RIMBP2: variants seen among roughly 807,000 people sequenced by gnomAD.
RIMBP2 encodes RIMS-binding protein 2.
A neutral mutation model predicts 118.6 loss-of-function variants in RIMBP2; 48 were observed. That is an observed-to-expected ratio of 0.40 (90% CI 0.32 to 0.51). RIMBP2 has a LOEUF of 0.51. Ranked by LOEUF, RIMBP2 falls within the 20% of genes least tolerant of loss-of-function variation. The pLI is 0.41. For synonymous variants in RIMBP2, 762 were observed against 742.9 expected (o/e 1.03, Z -0.42); for missense variants, 1,551 against 1,768.3 (o/e 0.88, Z 2.20).
At position 130,431,675 on chromosome 12, in the gene RIMBP2, A is replaced by G. The variant is rs2077163274; in HGVS notation, c.2253+3059T>C. On this transcript the variant is annotated intron_variant, in intron 14 of 22. Coordinates refer to ENST00000690449, the MANE Select transcript of RIMBP2 (RefSeq NM_001393629.1). The surrounding 1 kb of genome is among the most constrained non-coding windows in gnomAD (Gnocchi z 4.0). ...ACGCTTTTTAAATTTTAATAGAAAC[A>G]GACCTGTTTGCTCTGTTAAAAAACA... The G allele has an allele frequency of 6.4e-6, 1 of 155,668 alleles. No individual in the cohort carries two copies. The highest frequency in any genetic ancestry group is 1.4e-5 in the Non-Finnish European group (1 of 70,848). 9.6% of individuals were successfully genotyped at this position (155,668 alleles called of 1,614,324 possible).
chr12:130,615,424 T>A (rs1393128079), intron 2 of RIMBP2, among the ~76,000 whole-genome samples: 1 of 151,520 alleles, frequency 6.6e-6, no homozygotes, highest in Non-Finnish European at 1.5e-5. Context: ...AATTCTCCCA[T>A]CTCAGCCTCC....
chr12:130,584,435 TCAC>T (rs2058721651), intron 2 of RIMBP2, among the ~76,000 whole-genome samples: 1 of 128,458 alleles, frequency 7.8e-6, no homozygotes, highest in Non-Finnish European at 1.6e-5. Context: ...CATCACCTCA[TCAC>T]CACCATCACC....
At chr12:130,451,784 C>G (rs2079032872) in intron 7 of RIMBP2, among the ~76,000 whole-genome samples, 1 of 152,046 alleles carries the variant, frequency 6.6e-6, no homozygotes, top group Admixed American at 6.5e-5. Context: ...GCTTGGAGCC[C>G]CTGGTTCAAG....
At chr12:130,585,581 C>T (rs1307690059) in intron 2 of RIMBP2, among the ~76,000 whole-genome samples, 2 of 148,200 alleles carry the variant, frequency 1.3e-5, no homozygotes, top group African/African-American at 5.0e-5. Flanking sequence ...TGTGCCACTG[C>T]ACTCCAGCCT....
At chr12:130,648,686 C>T (rs544866625) in intron 1 of RIMBP2, among the ~76,000 whole-genome samples, 2,788 of 133,618 alleles carry the variant, frequency 0.021, 391 homozygotes, top group Non-Finnish European at 0.031. Context: ...GACGGAGTTT[C>T]GCTCTTGTTG....
chr12:130,480,209 A>G (rs2081850895), intron 4 of RIMBP2, among the ~76,000 whole-genome samples: 1 of 36,332 alleles, frequency 2.8e-5, no homozygotes, highest in African/African-American at 4.8e-5. Context: ...ACACACACAC[A>G]CACACACACA....
rs540207593 is a variant in RIMBP2, at chr12:130,434,054, C to T, written c.2253+680G>A. 4.6e-4 allele frequency among the ~76,000 whole-genome samples: 70 copies of T among 152,264 alleles called. No homozygotes were observed. The highest frequency in any genetic ancestry group is 1.6e-3 in the African/African-American group (68 of 41,560). On this transcript the variant is annotated intron_variant, in intron 14 of 22. Transcript: ENST00000690449. This position sits in a 1 kb window ranked among gnomAD's most constrained non-coding sequence, Gnocchi z 5.7. ...CCTGAGAGATGCCAGTCCCCCTCTC[C>T]GGGTATGGGGCTGTTTTGCTGTGGG...
chr12:130,473,854 A>G (rs1049454919), intron 5 of RIMBP2, among the ~76,000 whole-genome samples: 2 of 152,234 alleles, frequency 1.3e-5, no homozygotes, highest in South Asian at 2.1e-4. Flanking sequence ...AAATTCAGTC[A>G]AAGCATTAAC....
Position 130,424,746 on chromosome 12 carries a change from C to G in RIMBP2, c.2525G>C (p.Gly842Ala). Residue 842 changes from glycine to alanine, a missense_variant, in exon 16 of 23, where the codon GGA (glycine) becomes GCA (alanine). Around this residue, in one of 5 missense-constraint regions of RIMBP2, gnomAD observed 1,038 missense variants for 1,125.1 expected, o/e 0.92. Coordinates refer to ENST00000690449, the MANE Select transcript of RIMBP2 (RefSeq NM_001393629.1). This position sits in a 1 kb window ranked among gnomAD's most constrained non-coding sequence, Gnocchi z 9.8. ...CTTGTGTAGCAGCCCACAGCACTCTCCGTCCTCTTCCGCTACTTCGGGGAT... is the reference window on the plus strand; with the variant it reads ...CTTGTGTAGCAGCCCACAGCACTCTGCGTCCTCTTCCGCTACTTCGGGGAT... ...FSIPEVAEED[G>A]ECCGLLHKQG... The G allele has an allele frequency of 8.1e-7, 1 of 1,232,328 alleles. No homozygotes were observed. Among genetic ancestry groups the G allele is most frequent in the South Asian group, 4.1e-5 (1 of 24,322 alleles). The allele number at this position is 1,232,328 out of a possible 1,614,324, so 76.3% of individuals were successfully genotyped here.
At chr12:130,644,766 A>C (rs11061050) in intron 1 of RIMBP2, among the ~76,000 whole-genome samples, 44,832 of 152,126 alleles carry the variant, frequency 0.29, 6,977 homozygotes, top group African/African-American at 0.38. Context: ...TGCGTTACTT[A>C]GGTATGTCTG....
chr12:130,672,306 A>C (rs540566468), intron 1 of RIMBP2, among the ~76,000 whole-genome samples: 3 of 152,214 alleles, frequency 2.0e-5, no homozygotes, highest in African/African-American at 7.2e-5. Flanking sequence ...AATCAATTAA[A>C]TCACTCGCTT....
Position 130,486,469 on chromosome 12 carries a change from C to G in RIMBP2, c.-3-7453G>C, listed in dbSNP as rs574489538. Among the ~76,000 whole-genome samples, 638 of 151,842 alleles carry G rather than the reference C, an allele frequency of 4.2e-3. 3 individuals are homozygous for G. The highest frequency in any genetic ancestry group is 0.015 in the African/African-American group (609 of 41,256). ...TGAACCCTTCATCCCCGTCCCCCGCCCCCCCGCCACTCATACCCAACTGCC... is the reference window on the plus strand; with the variant it reads ...TGAACCCTTCATCCCCGTCCCCCGCGCCCCCGCCACTCATACCCAACTGCC... On this transcript the variant is annotated intron_variant, in intron 4 of 22. Coordinates refer to ENST00000690449, the MANE Select transcript of RIMBP2 (RefSeq NM_001393629.1).
chr12:130,626,359 C>T (rs984637474), intron 2 of RIMBP2, among the ~76,000 whole-genome samples: 1 of 152,140 alleles, frequency 6.6e-6, no homozygotes, highest in African/African-American at 2.4e-5. Flanking sequence ...ATCACCACGA[C>T]TACCACTGGC....
chr12:130,692,890 G>A (rs1373402752), intron 1 of RIMBP2, among the ~76,000 whole-genome samples: 2 of 136,832 alleles, frequency 1.5e-5, no homozygotes, highest in African/African-American at 6.8e-5. Flanking sequence ...GTAGGGTAGG[G>A]TAGGATAGGA....
In RIMBP2 at chr12:130,451,583, C is replaced by T. The variant is rs115307553; in HGVS notation, c.359-243G>A. 2.4e-3 allele frequency among the ~76,000 whole-genome samples: 369 copies of T among 152,340 alleles called. 4 individuals carry two copies. The highest frequency in any genetic ancestry group is 8.2e-3 in the African/African-American group (341 of 41,586). On this transcript the variant is annotated intron_variant, in intron 7 of 22. Coordinates refer to ENST00000690449, the MANE Select transcript of RIMBP2 (RefSeq NM_001393629.1). ...GGTAACGCTGTTTGGGGGCTCAGGA[C>T]GAGGATGGTCCCAGGCAGAGGGAAC...
intron 5 of RIMBP2, among the ~76,000 whole-genome samples, chr12:130,478,472 C>G (rs1444150485): frequency 6.6e-6 from 1 of 152,208 alleles, no homozygotes; most frequent in Non-Finnish European, 1.5e-5. Flanking sequence ...CACTGCCACA[C>G]AGCAGCACTG....
chr12:130,532,275 G>A (rs1160957097), intron 2 of RIMBP2, among the ~76,000 whole-genome samples: 1 of 148,256 alleles, frequency 6.7e-6, no homozygotes, highest in East Asian at 2.1e-4. Flanking sequence ...AGATGCGTAT[G>A]TTTAGCCTCT....
At chr12:130,418,763 C>A (rs2136618429) in intron 17 of RIMBP2, among the ~76,000 whole-genome samples, 1 of 152,242 alleles carries the variant, frequency 6.6e-6, no homozygotes, top group South Asian at 2.1e-4. Context: ...CGTAAGAGTG[C>A]ATTTTCTCAG....
intron 2 of RIMBP2, among the ~76,000 whole-genome samples, chr12:130,567,493 C>T (rs1294721726): frequency 6.6e-6 from 1 of 152,234 alleles, no homozygotes; most frequent in Non-Finnish European, 1.5e-5. Context: ...ACCCTTCTAT[C>T]CCCCACTCTG....
Sources: allele counts gnomAD v4.1 joint callset (sites outside exome capture counted in the v4.1 genomes callset), GRCh38; gene constraint gnomAD v4.1.1; regional missense constraint gnomAD v4.1.1; non-coding constraint Gnocchi (gnomAD v3.1); transcripts MANE v1.5; gene names NCBI Gene and HGNC (gene_info 2026-07-23, HGNC 2026-07-21).